The following BBS1 variants were observed in gnomAD, a reference collection of about 807,000 sequenced individuals.
BBS1 encodes BBSome complex member BBS1.
BBS1 carries 60 observed loss-of-function variants against 73.9 expected under a neutral mutation model. The observed-to-expected ratio is 0.81, with a 90% CI of 0.66 to 1.01. The LOEUF (loss-of-function observed/expected upper bound fraction) is 1.01. Ranked by LOEUF, BBS1 falls within the 50% of genes least tolerant of loss-of-function variation. The pLI, the probability that BBS1 is intolerant of heterozygous loss-of-function variation, is 0.00. For synonymous variants in BBS1, 283 were observed against 317.4 expected, an observed-to-expected ratio of 0.89 and a Z score of 1.15; for missense variants, 718 against 770.3, an observed-to-expected ratio of 0.93 and a Z score of 0.80.
chr11:66,530,753 TG>T, intron 14 of BBS1, 140 bp from the exon 15 acceptor site: 2 of 1,250,120 alleles, frequency 1.6e-6, no homozygotes, highest in Non-Finnish European at 2.3e-6. Flanking sequence ...CTGCCCCTTC[TG>T]GTCTTCTGTG....
Position 66,523,559 on chromosome 11 carries a change from C to A in BBS1, c.934C>A (p.His312Asn), listed in dbSNP as rs780246167. The change falls in exon 10 of 17, where the codon CAT becomes AAT. Residue 312 changes from histidine (H) to asparagine (N), a missense_variant. Coordinates refer to ENST00000318312, the MANE Select transcript of BBS1 (RefSeq NM_024649.5). The stretch of plus-strand genomic sequence containing the variant: ...GGTGGGCAGCACCCAAGACAGCCTG[C>A]ATGGCTTCACCCACAAGGTGCAGCC... ...LVVGSTQDSL[H>N]GFTHKGKKLW... 1 of 1,614,164 alleles carries A rather than the reference C, an allele frequency of 6.2e-7. No individual in the cohort carries two copies. Among genetic ancestry groups the A allele is most frequent in the Non-Finnish European group, 8.5e-7 (1 of 1,180,018 alleles).
chr11:66,532,250 C>T lies in BBS1; in HGVS notation c.*213C>T, dbSNP rs545141791. On this transcript the variant is annotated 3_prime_UTR_variant, in exon 17 of 17. Coordinates refer to ENST00000318312, the MANE Select transcript of BBS1 (RefSeq NM_024649.5). ...GGCTCAACTCCTCCCACAGCACCAA[C>T]CCAGCATGGTCCCACTGAAGTCCTA... 2 of 593,078 alleles carry T rather than the reference C, an allele frequency of 3.4e-6. No individual in the cohort carries two copies. Among genetic ancestry groups the T allele is most frequent in the African/African-American group, 3.7e-5 (2 of 53,738 alleles). 36.7% of individuals were successfully genotyped at this position (593,078 alleles called of 1,614,324 possible). A position where few individuals can be genotyped will look rare whatever the true frequency, so the allele number is the denominator to read the frequency against.
intron 13 of BBS1, 97 bp from the exon 14 acceptor site, chr11:66,529,722 A>G: frequency 3.4e-6 from 5 of 1,480,506 alleles, no homozygotes; most frequent in Non-Finnish European, 3.7e-6. Context: ...CTCCTCTTGC[A>G]CCCTCCCCAC....
chr11:66,523,410 G>A lies in BBS1; in HGVS notation c.831-46G>A, dbSNP rs1856332207. ...ACAGAGGAGGGTCAGCCATAGAAGTGGAGAGGATTTCTCTGGGGCCAGACA... is the reference window on the plus strand; with the variant it reads ...ACAGAGGAGGGTCAGCCATAGAAGTAGAGAGGATTTCTCTGGGGCCAGACA... On this transcript the variant is annotated intron_variant, in intron 9 of 16. Coordinates refer to ENST00000318312, the MANE Select transcript of BBS1 (RefSeq NM_024649.5). The A allele has an allele frequency of 2.5e-6, 4 of 1,614,038 alleles. No homozygotes were observed. In the East Asian group the frequency reaches 8.9e-5, roughly 36 times the overall value.
chr11:66,510,920 C>T, intron 1 of BBS1, 93 bp from the exon 2 acceptor site: 2 of 1,461,826 alleles, frequency 1.4e-6, no homozygotes, highest in Admixed American at 1.7e-5. Context: ...CGTTCTGTAC[C>T]TTATGTTCAG....
intron 11 of BBS1, chr11:66,524,099 G>A: frequency 4.8e-6 from 3 of 626,136 alleles, no homozygotes; most frequent in Non-Finnish European, 8.5e-6. Flanking sequence ...AGCCAACATG[G>A]CATAACCCCC....
rs1417786271 is a variant in BBS1, at chr11:66,526,770, C to T, written c.1302C>T (p.Tyr434=). ...ATGTGCCCCGAAAGACCCGGCTTTA[C>T]GTGGATCAGACACTGCGAGAGCGGG... ...KLNVPRKTRL[Y]VDQTLREREA... is the part of the protein sequence containing the mutation. Residue 434 remains tyrosine (Y), a synonymous_variant, in exon 13 of 17, where the codon TAC becomes TAT. Transcript: ENST00000318312. The T allele has an allele frequency of 3.1e-6, 5 of 1,614,198 alleles. No homozygotes were observed. In the South Asian group the frequency reaches 3.3e-5, roughly 11 times the overall value.
Position 66,531,748 on chromosome 11 carries a change from C to T in BBS1, c.1695+6C>T. The T allele has an allele frequency of 6.2e-7, 1 of 1,614,034 alleles. No homozygotes were observed. Among genetic ancestry groups the T allele is most frequent in the Non-Finnish European group, 8.5e-7 (1 of 1,179,982 alleles). On this transcript the variant is annotated splice_donor_region_variant and intron_variant, in intron 16 of 16. Coordinates refer to ENST00000318312, the MANE Select transcript of BBS1 (RefSeq NM_024649.5). Reference sequence around the variant, plus strand: ...GCATCTCAGACATCATCAAGGTAGGCCCCGCACTTGTACCACGTGGAAGGT... The same window carrying T: ...GCATCTCAGACATCATCAAGGTAGGTCCCGCACTTGTACCACGTGGAAGGT...
chr11:66,514,696 G>A lies in BBS1; in HGVS notation c.432+18G>A. On this transcript the variant is annotated intron_variant, in intron 4 of 16. Transcript: ENST00000318312. ...CCAAAGAGGTAAATAAATAACATGG[G>A]AGTTGGGAACCAGAAGGCAAAGATG... The A allele has an allele frequency of 6.2e-7, 1 of 1,607,626 alleles. No homozygotes were observed. The highest frequency in any genetic ancestry group is 8.5e-7 in the Non-Finnish European group (1 of 1,179,944).
chr11:66,518,917 CT>C (rs1372736389), intron 7 of BBS1, among the ~76,000 whole-genome samples: 1 of 152,144 alleles, frequency 6.6e-6, no homozygotes. Context: ...GCCATCGCAC[CT>C]GGCTGATTTT....
chr11:66,515,552 C>G lies in BBS1; in HGVS notation c.445C>G (p.Pro149Ala). The G allele has an allele frequency of 6.2e-7, 1 of 1,614,138 alleles. No homozygotes were observed. Among genetic ancestry groups the G allele is most frequent in the Non-Finnish European group, 8.5e-7 (1 of 1,180,028 alleles). The part of the protein sequence containing the change: ...WNQAKEDRID[P>A]LTLKEMLESI... ...CACATTGTCACAGGACCGAATCGAC[C>G]CCTTAACCCTGAAGGAGATGCTGGA... The change falls in exon 5 of 17, where the codon CCC (proline) becomes GCC (alanine). Residue 149 changes from proline (P) to alanine (A), a missense_variant. By Grantham distance (27) the Pro-to-Ala change is conservative. Coordinates refer to ENST00000318312, the MANE Select transcript of BBS1 (RefSeq NM_024649.5).
chr11:66,531,518 C>A, intron 15 of BBS1, 138 bp from the exon 16 acceptor site: 2 of 1,117,360 alleles, frequency 1.8e-6, no homozygotes, highest in Non-Finnish European at 2.7e-6. Flanking sequence ...ACACCTGCAT[C>A]CTCCTCCACC....
chr11:66,521,708 C>T (rs554900664), intron 9 of BBS1: 32 of 342,534 alleles, frequency 9.3e-5, no homozygotes, highest in African/African-American at 6.4e-4. Flanking sequence ...GAGTTCAAGA[C>T]CAGCCTGGCC....
intron 8 of BBS1, 58 bp downstream of exon 8, chr11:66,519,806 T>A (rs938028054): frequency 1.9e-6 from 3 of 1,601,884 alleles, no homozygotes; most frequent in Non-Finnish European, 2.6e-6. Context: ...TCTCTCCCCA[T>A]GCTCCACAGT....
rs1454216724 is a variant in BBS1 at position 66,524,274 on chromosome 11, C to T, written c.1110+392C>T. 4.2e-5 allele frequency: 13 copies of T among 310,318 alleles called. No individual in the cohort carries two copies. The East Asian group carries it at 6.7e-4, about 16-fold the overall frequency. The allele number at this position is 310,318 out of a possible 1,614,324, so 19.2% of individuals were successfully genotyped here. On this transcript the variant is annotated intron_variant, in intron 11 of 16. Transcript: ENST00000318312. ...CAGCCTGGACAACAGAGCGAGACTC[C>T]ATCTTAAAAAAAAAAAAAATGTGTT...
chr11:66,517,491 C>CAA (rs904343301), intron 7 of BBS1, among the ~76,000 whole-genome samples: 1 of 140,752 alleles, frequency 7.1e-6, no homozygotes, highest in African/African-American at 2.6e-5. Flanking sequence ...TTTTTGGAGA[C>CAA]AGAGTCTGGC....
rs1565280409 is a variant in BBS1 at position 66,511,250 on chromosome 11, C to T, written c.159+11C>T. The T allele has an allele frequency of 6.2e-7, 1 of 1,614,110 alleles. No homozygotes were observed. The highest frequency in any genetic ancestry group is 8.5e-7 in the Non-Finnish European group (1 of 1,180,018). ...GATGGGGAATACAAGGTAAGCATATCACCCTAGCCAGGAGAGTTGAGGGTA... is the reference window on the plus strand; with the variant it reads ...GATGGGGAATACAAGGTAAGCATATTACCCTAGCCAGGAGAGTTGAGGGTA... On this transcript the variant is annotated intron_variant, in intron 3 of 16. Coordinates refer to ENST00000318312, the MANE Select transcript of BBS1 (RefSeq NM_024649.5).
chr11:66,519,712 G>A lies in BBS1; in HGVS notation c.687G>A (p.Leu229=), dbSNP rs752374832. Residue 229 remains leucine, a synonymous_variant, in exon 8 of 17, where the codon CTG becomes CTA. Coordinates refer to ENST00000318312, the MANE Select transcript of BBS1 (RefSeq NM_024649.5). ...LVLGTENKEL[L]VLDPEAFTIL... is the part of the protein sequence containing the mutation. ...TGGGCACCGAGAACAAGGAGCTCCTGGTGCTTGACCCCGAGGCCTTCACCA... is the reference window on the plus strand; with the variant it reads ...TGGGCACCGAGAACAAGGAGCTCCTAGTGCTTGACCCCGAGGCCTTCACCA... The A allele has an allele frequency of 6.2e-7, 1 of 1,613,704 alleles. No homozygotes were observed. Among genetic ancestry groups the A allele is most frequent in the Non-Finnish European group, 8.5e-7 (1 of 1,179,964 alleles).
intron 7 of BBS1, among the ~76,000 whole-genome samples, chr11:66,518,155 C>T (rs1407057321): frequency 1.3e-5 from 2 of 151,604 alleles, no homozygotes; most frequent in South Asian, 2.1e-4. Flanking sequence ...CAGGGTTTCT[C>T]CCTGTTGGTC....
Sources: gnomAD v4.1 joint callset for allele counts (sites outside exome capture counted in the v4.1 genomes callset) on GRCh38, gnomAD v4.1.1 for gene constraint, MANE v1.5 for transcripts, NCBI Gene and HGNC (gene_info 2026-07-23, HGNC 2026-07-21) for gene names.